The following TMEM117 variants were observed in gnomAD, a reference collection of about 807,000 sequenced individuals.
TMEM117 encodes transmembrane protein 117.
In TMEM117, 27 loss-of-function variants were observed where a neutral mutation model predicts 52.4. The ratio of observed to expected loss-of-function variants is 0.51; its 90% confidence interval spans 0.38 to 0.71. The LOEUF (loss-of-function observed/expected upper bound fraction) is 0.71, where lower values mean the gene tolerates loss of function less well. Ranked by LOEUF, TMEM117 falls within the 30% of genes least tolerant of loss-of-function variation. The pLI is 0.00. For synonymous variants in TMEM117, 215 were observed against 206.3 expected (o/e 1.04, Z -0.36); for missense variants, 556 against 630.5 (o/e 0.88, Z 1.26).
At chr12:44,221,772 C>G (rs888327827) in intron 5 of TMEM117, among the ~76,000 whole-genome samples, 1 of 151,722 alleles carries the variant, frequency 6.6e-6, no homozygotes, top group Non-Finnish European at 1.5e-5. Context: ...GATCGCGGCT[C>G]ACTGCAACCT....
chr12:44,208,324 G>A (rs189807955), intron 4 of TMEM117, among the ~76,000 whole-genome samples: 34 of 152,192 alleles, frequency 2.2e-4, no homozygotes, highest in Admixed American at 1.8e-3. Context: ...CTAGTAGAGA[G>A]GAAAGGGGAA....
chr12:44,225,286 G>C (rs1402507852), intron 5 of TMEM117, among the ~76,000 whole-genome samples: 2 of 152,108 alleles, frequency 1.3e-5, no homozygotes, highest in Non-Finnish European at 2.9e-5. Context: ...TTAATGAAAT[G>C]AAATTTGAGT....
At chr12:43,805,017 T>C in the TMEM117 span, among the ~76,000 whole-genome samples, 6 of 152,256 alleles carry the variant, frequency 3.9e-5, no homozygotes, top group Non-Finnish European at 7.3e-5. Flanking sequence ...ATATATCAAA[T>C]ATCCTAACTT....
downstream of TMEM117, among the ~76,000 whole-genome samples, chr12:44,394,383 C>G (rs1249598907): frequency 6.6e-6 from 1 of 152,188 alleles, no homozygotes; most frequent in African/African-American, 2.4e-5. Flanking sequence ...TTCAACAGAA[C>G]CCCCTTGGCT....
intron 2 of TMEM117, among the ~76,000 whole-genome samples, chr12:43,868,673 A>G (rs1943652086): frequency 6.6e-6 from 1 of 152,092 alleles, no homozygotes; most frequent in African/African-American, 2.4e-5. Flanking sequence ...ATGAAGTTAT[A>G]TAAAAATGTA....
intron 5 of TMEM117, chr12:44,248,563 AC>A (rs1000804916): frequency 1.3e-5 from 2 of 155,820 alleles, no homozygotes; most frequent in African/African-American, 4.8e-5. Context: ...TGAGGATGTG[AC>A]ATTAGCGCTG....
intron 6 of TMEM117, among the ~76,000 whole-genome samples, chr12:44,356,934 C>A (rs151297958): frequency 1.6e-4 from 24 of 152,208 alleles, no homozygotes; most frequent in Admixed American, 4.6e-4. Flanking sequence ...TCTTCATAAT[C>A]CCTGTTAGCT....
intron 3 of TMEM117, among the ~76,000 whole-genome samples, chr12:44,095,824 C>T (rs927595108): frequency 2.0e-5 from 3 of 151,660 alleles, no homozygotes; most frequent in Admixed American, 6.6e-5. Flanking sequence ...GGATGCCCTC[C>T]CTCACCACTC....
intron 6 of TMEM117, among the ~76,000 whole-genome samples, chr12:44,357,009 C>T (rs1402067200): frequency 2.6e-5 from 4 of 152,142 alleles, no homozygotes; most frequent in Non-Finnish European, 5.9e-5. Flanking sequence ...CACACTGGCT[C>T]CTTCAGCTTC....
the TMEM117 span, chr12:43,797,121 T>C: frequency 6.4e-7 from 1 of 1,565,430 alleles, no homozygotes; most frequent in Non-Finnish European, 8.7e-7. Context: ...TAATAACAAA[T>C]ATAATTAGCA....
intron 3 of TMEM117, among the ~76,000 whole-genome samples, chr12:44,011,723 A>G (rs1259062170): frequency 6.6e-6 from 1 of 152,166 alleles, no homozygotes; most frequent in Non-Finnish European, 1.5e-5. Flanking sequence ...GTAAGATATT[A>G]ATAATATTAA....
the TMEM117 span, among the ~76,000 whole-genome samples, chr12:43,806,741 TCTC>T: frequency 2.0e-5 from 3 of 152,338 alleles, no homozygotes; most frequent in East Asian, 1.9e-4. Context: ...AGAAAAGCCT[TCTC>T]CTTGCTCCAT....
At chr12:44,168,402 T>C (rs2138275173) in intron 4 of TMEM117, among the ~76,000 whole-genome samples, 1 of 152,358 alleles carries the variant, frequency 6.6e-6, no homozygotes, top group Non-Finnish European at 1.5e-5. Context: ...AACTTGTGAT[T>C]TATTTTCTTT....
At chr12:43,813,447 G>A in the TMEM117 span, among the ~76,000 whole-genome samples, 8 of 151,710 alleles carry the variant, frequency 5.3e-5, no homozygotes, top group African/African-American at 1.9e-4. Flanking sequence ...GTTTCACCAT[G>A]TTGGTTAGGC....
In TMEM117 at chr12:44,125,893, AC is replaced by A. The variant is rs551662465; in HGVS notation, c.411-17631del. On this transcript the variant is annotated intron_variant, in intron 3 of 7. Transcript: ENST00000266534. ...CTCTTAACAGTGCTTTAGCTGTATC[AC>A]AGAGATTCTCCTAATTGTAGCTTTG... 8.5e-5 allele frequency among the ~76,000 whole-genome samples: 13 copies of A among 152,242 alleles called. No homozygotes were observed. In the East Asian group the frequency reaches 2.5e-3, roughly 29 times the overall value.
intron 3 of TMEM117, among the ~76,000 whole-genome samples, chr12:44,089,379 C>T (rs1234917370): frequency 6.6e-6 from 1 of 152,142 alleles, no homozygotes; most frequent in African/African-American, 2.4e-5. Flanking sequence ...AAAGCCACCA[C>T]CCTGACAACC....
the TMEM117 span, among the ~76,000 whole-genome samples, chr12:43,818,193 C>G: frequency 6.6e-6 from 1 of 152,138 alleles, no homozygotes; most frequent in Non-Finnish European, 1.5e-5. Context: ...AATACATTCT[C>G]ACTTCTACCC....
chr12:43,983,510 T>G (rs1398414371), intron 3 of TMEM117, among the ~76,000 whole-genome samples: 1 of 148,180 alleles, frequency 6.7e-6, no homozygotes, highest in Non-Finnish European at 1.5e-5. Context: ...TTGCCATTAC[T>G]TCCAGTGGCA....
At chr12:43,800,125 CA>C in the TMEM117 span, among the ~76,000 whole-genome samples, 1 of 151,802 alleles carries the variant, frequency 6.6e-6, no homozygotes, top group African/African-American at 2.4e-5. Flanking sequence ...TCTAAACAAA[CA>C]AAAAAGTTCA....
Sources: allele counts gnomAD v4.1 joint callset (sites outside exome capture counted in the v4.1 genomes callset), GRCh38; gene constraint gnomAD v4.1.1; transcripts MANE v1.5; gene names NCBI Gene and HGNC (gene_info 2026-07-23, HGNC 2026-07-21).